EMG1: variants seen among roughly 807,000 people sequenced by gnomAD.
EMG1 encodes ribosomal RNA small subunit methyltransferase NEP1.
In EMG1, 24 loss-of-function variants were observed where a neutral mutation model predicts 26.9. The ratio of observed to expected loss-of-function variants is 0.89; its 90% CI spans 0.65 to 1.26. The LOEUF is 1.26. Ranked by LOEUF, EMG1 falls within the 50% of genes most tolerant of loss-of-function variation. The pLI, the probability that EMG1 is intolerant of heterozygous loss-of-function variation, is 0.00. For missense variants in EMG1, 299 were observed against 307.6 expected (o/e 0.97, Z 0.21); for synonymous variants, 140 against 112.6 (o/e 1.24, Z -1.54).
chr12:6,971,390 C>A (rs1185919316), intron 1 of EMG1, among the ~76,000 whole-genome samples: 1 of 151,720 alleles, frequency 6.6e-6, no homozygotes, highest in African/African-American at 2.4e-5. Flanking sequence ...TCTCCTGACT[C>A]AGCCTCTGGA....
chr12:6,989,065 G>A (rs1186885757), downstream of EMG1, among the ~76,000 whole-genome samples: 1 of 151,684 alleles, frequency 6.6e-6, no homozygotes, highest in Admixed American at 6.6e-5. Context: ...GGAGGTTGTG[G>A]TGAGCCGAGA....
Position 6,978,544 on chromosome 12 carries a change from C to G in EMG1, c.*2735C>G. The G allele has an allele frequency of 6.2e-7, 1 of 1,612,578 alleles. No homozygotes were observed. The highest frequency in any genetic ancestry group is 1.1e-5 in the South Asian group (1 of 90,910). On this transcript the variant is annotated 3_prime_UTR_variant, in exon 6 of 6. Transcript: ENST00000599672. ...TAGCTCAGTTAGGGCTCTTGCCACT[C>G]CCCATACTGGCCCCCATGGCTTGTC...
At chr12:6,993,983 T>G (rs782136483) in intron 7 of EMG1, among the ~76,000 whole-genome samples, 28 of 152,170 alleles carry the variant, frequency 1.8e-4, no homozygotes, top group African/African-American at 3.6e-4. Flanking sequence ...TTAGGAACAT[T>G]ATGAAGAATG....
downstream of EMG1, chr12:6,981,829 G>C: frequency 6.2e-7 from 1 of 1,613,656 alleles, no homozygotes; most frequent in Non-Finnish European, 8.5e-7. Flanking sequence ...TTCAAAGTCA[G>C]AACACAATGT....
At position 6,975,759 on chromosome 12, in the gene EMG1, A is replaced by C. The variant is rs782517421; in HGVS notation, c.685A>C (p.Thr229Pro). The C allele has an allele frequency of 6.2e-7, 1 of 1,613,700 alleles. No individual in the cohort carries two copies. The highest frequency in any genetic ancestry group is 8.5e-7 in the Non-Finnish European group (1 of 1,179,638). Residue 229 changes from threonine (T) to proline (P), a missense_variant, in exon 6 of 6, where the codon ACC (threonine) becomes CCC (proline). Thr to Pro is a conservative substitution (Grantham distance 38, BLOSUM62 -1). Transcript: ENST00000599672. ...ISNYPLSAAL[T>P]CAKLTTAFEE... ...TAACTACCCCCTTTCTGCTGCCCTCACCTGTGCAAAACTTACCACAGCCTT... is the reference window on the plus strand; with the variant it reads ...TAACTACCCCCTTTCTGCTGCCCTCCCCTGTGCAAAACTTACCACAGCCTT...
At chr12:6,974,469 T>C (rs1946369242) in intron 2 of EMG1, 29 bp downstream of exon 2, 1 of 1,608,964 alleles carries the variant, frequency 6.2e-7, no homozygotes, top group East Asian at 2.2e-5. Flanking sequence ...CTCACAACCC[T>C]TTGAGCCTCT....
rs782192872 is a variant in EMG1 at position 6,977,773 on chromosome 12, C to T, written c.*1964C>T. 2 of 1,613,036 alleles carry T rather than the reference C, an allele frequency of 1.2e-6. No homozygotes were observed. The highest frequency in any genetic ancestry group is 1.7e-5 in the Admixed American group (1 of 59,998). On this transcript the variant is annotated 3_prime_UTR_variant, in exon 6 of 6. Transcript: ENST00000599672. The surrounding 1 kb of genome is among the most constrained non-coding windows in gnomAD (Gnocchi z 4.5). ...GGAGAAAAGGGTGGGTGGGGCGACC[C>T]TCAAACTGACTGGTCCTTGCATCCC... is the stretch of plus-strand genomic sequence containing the variant.
At chr12:6,982,808 C>G (rs1186300425), downstream of EMG1, 2 of 1,533,718 alleles carry the variant, frequency 1.3e-6, no homozygotes, top group South Asian at 1.1e-5. Flanking sequence ...GAGAATTTAG[C>G]CTGGTTTTTA....
chr12:6,987,045 G>A lies in EMG1; in HGVS notation c.*155-737G>A, dbSNP rs112835184. Among the ~76,000 whole-genome samples the A allele has an allele frequency of 2.3e-3, 356 of 152,070 alleles. 3 individuals are homozygous for A. Among genetic ancestry groups the A allele is most frequent in the African/African-American group, 8.0e-3 (332 of 41,444 alleles). ...GGAGAATTGCTTGAACCCAGGAGGC[G>A]GAGGTGGCAGTGAGCTGAGATCACG... On this transcript the variant is annotated intron_variant and NMD_transcript_variant, in intron 6 of 7. Coordinates refer to the EMG1 transcript ENST00000261406. This position sits in a 1 kb window ranked among gnomAD's most constrained non-coding sequence, Gnocchi z 4.1.
At chr12:6,984,470 T>G (rs1555154558), downstream of EMG1, among the ~76,000 whole-genome samples, 1 of 152,266 alleles carries the variant, frequency 6.6e-6, no homozygotes, top group Non-Finnish European at 1.5e-5. Flanking sequence ...ACTGCACTAG[T>G]GCATATGTGG....
chr12:6,981,466 G>T, downstream of EMG1: 1 of 935,222 alleles, frequency 1.1e-6, no homozygotes. Context: ...CTATCTGAAA[G>T]GGAGATTGCA....
At chr12:6,986,917 G>A (rs1056856954) in intron 6 of EMG1, among the ~76,000 whole-genome samples, 2 of 151,468 alleles carry the variant, frequency 1.3e-5, no homozygotes, top group East Asian at 1.9e-4. Context: ...AGTTTGAGAC[G>A]AGCCTGGCCA....
In EMG1 at chr12:6,971,089, A is replaced by C. The variant is rs1591705284; in HGVS notation, c.166A>C (p.Lys56Gln). ...VLEGASLETV[K>Q]VGKTYELLNC... ...GGAAGGGGCCAGTCTGGAGACAGTCAAGGTAGTTTGGGACAGGAAGTGGAG... is the reference window on the plus strand; with the variant it reads ...GGAAGGGGCCAGTCTGGAGACAGTCCAGGTAGTTTGGGACAGGAAGTGGAG... Residue 56 changes from lysine to glutamine, a missense_variant and splice_region_variant, in exon 1 of 6, where the codon AAG (lysine) becomes CAG (glutamine). Physicochemically the swap from Lys to Gln is moderately conservative, Grantham distance 53 (BLOSUM62 1). Coordinates refer to ENST00000599672, the MANE Select transcript of EMG1 (RefSeq NM_006331.8). The C allele has an allele frequency of 6.2e-7, 1 of 1,609,638 alleles. No individual in the cohort carries two copies. The highest frequency in any genetic ancestry group is 1.3e-5 in the African/African-American group (1 of 74,926).
intron 5 of EMG1, 137 bp from the exon 6 acceptor site, chr12:6,975,559 T>C: frequency 1.1e-6 from 1 of 945,040 alleles, no homozygotes; most frequent in Middle Eastern, 2.7e-4. Context: ...AGTTAGGACC[T>C]TCTTCATCCT....
chr12:6,979,393 G>T lies in EMG1; in HGVS notation c.*3584G>T. The T allele has an allele frequency of 9.5e-7, 1 of 1,053,122 alleles. No homozygotes were observed. Among genetic ancestry groups the T allele is most frequent in the Non-Finnish European group, 1.5e-6 (1 of 683,066 alleles). 65.2% of individuals were successfully genotyped at this position (1,053,122 alleles called of 1,614,324 possible). On this transcript the variant is annotated 3_prime_UTR_variant, in exon 6 of 6. Transcript: ENST00000599672. ...TGTAGATGATATTTCCTACTTCTCT[G>T]CTATCTGTAGGGATCCTTGCCTGTC...
rs1370326171 is a variant in EMG1, at chr12:6,979,273, G to A, written c.*3464G>A. 2.4e-5 allele frequency: 14 copies of A among 594,020 alleles called. No homozygotes were observed. Among genetic ancestry groups the A allele is most frequent in the South Asian group, 6.1e-5 (3 of 49,504 alleles). The allele number at this position is 594,020 out of a possible 1,614,324, so 36.8% of individuals were successfully genotyped here. ...CTAAATGTGCACCTGGCACAGCCCTGTGCCCGCGAAGGTTGTTCAGTGCTG... is the reference window on the plus strand; with the variant it reads ...CTAAATGTGCACCTGGCACAGCCCTATGCCCGCGAAGGTTGTTCAGTGCTG... On this transcript the variant is annotated 3_prime_UTR_variant, in exon 6 of 6. Coordinates refer to ENST00000599672, the MANE Select transcript of EMG1 (RefSeq NM_006331.8).
intron 1 of EMG1, among the ~76,000 whole-genome samples, chr12:6,971,435 G>A (rs1333702465): frequency 1.3e-5 from 2 of 151,824 alleles, no homozygotes; most frequent in Admixed American, 6.6e-5. Flanking sequence ...CACCACGCCC[G>A]GCTAATTTTT....
At chr12:6,974,191 T>G in intron 1 of EMG1, 148 bp from the exon 2 acceptor site, 1 of 636,186 alleles carries the variant, frequency 1.6e-6, no homozygotes, top group South Asian at 1.8e-5. Flanking sequence ...GTGTTCCTGG[T>G]TTAGTAGGTC....
chr12:6,995,585 C>T (rs963327111), intron 7 of EMG1, among the ~76,000 whole-genome samples: 1 of 152,084 alleles, frequency 6.6e-6, no homozygotes, highest in African/African-American at 2.4e-5. Flanking sequence ...TCACCATGAC[C>T]ATCACCACTC....
Sources: allele counts gnomAD v4.1 joint callset (sites outside exome capture counted in the v4.1 genomes callset), GRCh38; gene constraint gnomAD v4.1.1; non-coding constraint Gnocchi (gnomAD v3.1); transcripts MANE v1.5; gene names NCBI Gene and HGNC (gene_info 2026-07-23, HGNC 2026-07-21).